BTBD9: variants seen among roughly 807,000 people sequenced by gnomAD.
BTBD9 encodes BTB domain containing 9, also known as BTB/POZ domain-containing protein 9.
In BTBD9, 49 loss-of-function variants were observed where a neutral mutation model predicts 64.3. The observed-to-expected ratio is 0.76, with a 90% CI of 0.61 to 0.97. The LOEUF (loss-of-function observed/expected upper bound fraction) is 0.97, where lower values mean the gene tolerates loss of function less well. Among genes scored for constraint, BTBD9 ranks in the 50% least tolerant of loss-of-function variants. The pLI, the probability that BTBD9 is intolerant of heterozygous loss-of-function variation, is 0.00. For synonymous variants in BTBD9, 260 were observed against 274.7 expected (o/e 0.95, Z 0.53); for missense variants, 598 against 762.1 (o/e 0.78, Z 2.53).
chr6:38,378,541 G>A (rs987494228), intron 6 of BTBD9, among the ~76,000 whole-genome samples: 3 of 147,184 alleles, frequency 2.0e-5, no homozygotes, highest in South Asian at 2.4e-4. Flanking sequence ...GGCCCTAAAC[G>A]AAACACTTAA....
At chr6:38,215,870 TAAC>T (rs559452715) in intron 9 of BTBD9, among the ~76,000 whole-genome samples, 63 of 152,180 alleles carry the variant, frequency 4.1e-4, no homozygotes, top group African/African-American at 1.1e-3. Flanking sequence ...AGATTAACAA[TAAC>T]AACAAAAAAA....
intron 7 of BTBD9, among the ~76,000 whole-genome samples, chr6:38,335,844 C>A (rs1289595742): frequency 6.6e-6 from 1 of 152,184 alleles, no homozygotes; most frequent in Non-Finnish European, 1.5e-5. Context: ...AGCGATTCTC[C>A]TGCCTTAGCC....
chr6:38,599,289 C>A (rs1186659912), intron 1 of BTBD9, among the ~76,000 whole-genome samples: 4 of 152,048 alleles, frequency 2.6e-5, no homozygotes, highest in Non-Finnish European at 1.5e-5. Flanking sequence ...AATGTACTTG[C>A]AGGTACTTAA....
intron 1 of BTBD9, among the ~76,000 whole-genome samples, chr6:38,607,769 CAA>C (rs5875633): frequency 1.4e-5 from 2 of 144,432 alleles, no homozygotes; most frequent in Admixed American, 1.4e-4. Flanking sequence ...ACTCCCAAGG[CAA>C]AAAAAAAAAG....
At chr6:38,295,621 C>T (rs1460995101) in intron 7 of BTBD9, among the ~76,000 whole-genome samples, 1 of 152,028 alleles carries the variant, frequency 6.6e-6, no homozygotes, top group Admixed American at 6.6e-5. Context: ...TGAGGATTTT[C>T]ATCTTTTATT....
At chr6:38,570,517 C>T (rs1020304501) in intron 6 of BTBD9, among the ~76,000 whole-genome samples, 6 of 152,190 alleles carry the variant, frequency 3.9e-5, no homozygotes, top group Non-Finnish European at 8.8e-5. Context: ...AGACTGTTCC[C>T]TTCCTACCAC....
chr6:38,170,650 C>G lies in BTBD9; in HGVS notation c.*4335G>C, dbSNP rs1184350647. On this transcript the variant is annotated 3_prime_UTR_variant, in exon 11 of 11. Coordinates refer to ENST00000481247, the MANE Select transcript of BTBD9 (RefSeq NM_001099272.2). ...CCATTTAAACCTTGCCCTTCCCTCT[C>G]TTCTGGAAACTCTGAGCAAACACCA... 1 of 152,238 alleles carries G rather than the reference C, an allele frequency of 6.6e-6. No individual in the cohort carries two copies. Among genetic ancestry groups the G allele is most frequent in the Non-Finnish European group, 1.5e-5 (1 of 68,058 alleles). 9.4% of individuals were successfully genotyped at this position (152,238 alleles called of 1,614,324 possible).
chr6:38,292,113 C>T (rs577810339), intron 7 of BTBD9, among the ~76,000 whole-genome samples: 222 of 152,238 alleles, frequency 1.5e-3, no homozygotes, highest in Non-Finnish European at 2.8e-3. Flanking sequence ...AGGCGGTTGC[C>T]ACCACACCTG....
chr6:38,219,034 G>T (rs564716516), intron 9 of BTBD9, among the ~76,000 whole-genome samples: 81 of 152,118 alleles, frequency 5.3e-4, no homozygotes, highest in Non-Finnish European at 1.0e-3. Context: ...GTCTAGCAAG[G>T]AGCAATACAG....
At chr6:38,302,310 T>C (rs545136926) in intron 7 of BTBD9, among the ~76,000 whole-genome samples, 1 of 151,980 alleles carries the variant, frequency 6.6e-6, no homozygotes, top group African/African-American at 2.4e-5. Flanking sequence ...ACCACTACTC[T>C]ACTCTCATAG....
intron 4 of BTBD9, chr6:38,588,269 C>G: frequency 8.7e-7 from 1 of 1,150,332 alleles, no homozygotes; most frequent in Non-Finnish European, 1.3e-6. Flanking sequence ...TCAACAACTG[C>G]CTGCTCAGCT....
At chr6:38,214,583 C>T (rs552956295) in intron 9 of BTBD9, among the ~76,000 whole-genome samples, 12 of 152,192 alleles carry the variant, frequency 7.9e-5, no homozygotes, top group East Asian at 3.9e-4. Context: ...GCCAGAAGAG[C>T]GAAAACAGGG....
At chr6:38,344,584 C>T (rs756218776) in intron 7 of BTBD9, among the ~76,000 whole-genome samples, 19 of 152,116 alleles carry the variant, frequency 1.2e-4, no homozygotes, top group Admixed American at 2.0e-4. Flanking sequence ...CACTCATATC[C>T]AATCAAAGGC....
At chr6:38,637,743 A>G (rs961196192) in intron 1 of BTBD9, among the ~76,000 whole-genome samples, 19 of 152,200 alleles carry the variant, frequency 1.2e-4, no homozygotes, top group African/African-American at 4.6e-4. Context: ...CACATTAGTG[A>G]GGCATCGATT....
chr6:38,211,967 T>C (rs529985897), intron 9 of BTBD9, among the ~76,000 whole-genome samples: 78 of 152,356 alleles, frequency 5.1e-4, no homozygotes, highest in African/African-American at 1.8e-3. Flanking sequence ...CTCGTGTGAC[T>C]GACCCATGGC....
intron 8 of BTBD9, among the ~76,000 whole-genome samples, chr6:38,270,068 C>T (rs528522094): frequency 3.9e-4 from 60 of 152,318 alleles, no homozygotes; most frequent in Admixed American, 1.4e-3. Flanking sequence ...TAAGGCCCTG[C>T]TGCAGCTAGA....
chr6:38,360,780 A>G (rs1223293179), intron 6 of BTBD9, among the ~76,000 whole-genome samples: 2 of 152,092 alleles, frequency 1.3e-5, no homozygotes, highest in Admixed American at 1.3e-4. Flanking sequence ...TAAAGGCGGA[A>G]CACAGGGTGT....
chr6:38,637,220 C>T (rs751674611), intron 1 of BTBD9, among the ~76,000 whole-genome samples: 23 of 152,182 alleles, frequency 1.5e-4, no homozygotes, highest in Non-Finnish European at 2.5e-4. Flanking sequence ...TTCTGATGAA[C>T]ACTTAGTATG....
intron 7 of BTBD9, among the ~76,000 whole-genome samples, chr6:38,292,067 T>C (rs2127557645): frequency 6.6e-6 from 1 of 152,106 alleles, no homozygotes; most frequent in East Asian, 1.9e-4. Context: ...GCTCAAGCAA[T>C]TCTCCTGCCT....
Sources: allele counts gnomAD v4.1 joint callset (sites outside exome capture counted in the v4.1 genomes callset), GRCh38; gene constraint gnomAD v4.1.1; transcripts MANE v1.5; gene names NCBI Gene and HGNC (gene_info 2026-07-23, HGNC 2026-07-21).